The following REPS1 variants were observed in gnomAD, a reference collection of about 807,000 sequenced individuals.
The protein encoded by REPS1 is RALBP1 associated Eps domain containing 1, also known as ralBP1-associated Eps domain-containing protein 1.
In REPS1, 39 loss-of-function variants were observed where a neutral mutation model predicts 100.9. The observed-to-expected ratio is 0.39, with a 90% confidence interval of 0.30 to 0.50. The LOEUF (loss-of-function observed/expected upper bound fraction) is 0.50. REPS1 is among the 20% of genes least tolerant of loss of function. The probability of loss-of-function intolerance (pLI) is 0.86; values close to 1 mark genes in which losing one functional copy is unlikely to be tolerated. For missense variants in REPS1, 821 were observed against 968.5 expected (o/e 0.85, Z 2.02); for synonymous variants, 324 against 340.3 (o/e 0.95, Z 0.53).
chr6:138,941,247 G>A, intron 8 of REPS1, 88 bp downstream of exon 8: 10 of 1,403,714 alleles, frequency 7.1e-6, no homozygotes, highest in East Asian at 2.3e-5. Flanking sequence ...ATTAAGCTAA[G>A]GTTAACCTCT....
In REPS1 at chr6:138,908,735, C is replaced by T. The variant is rs1044418; in HGVS notation, c.2149G>A (p.Val717Ile). The T allele has an allele frequency of 0.15, 243,900 of 1,613,634 alleles. 19,850 individuals carry two copies. The highest frequency in any genetic ancestry group is 0.17 in the African/African-American group (12,965 of 74,982). ...LKSEDELRPE[V>I]DEHTQKTGVL... ...CCCGTCTTTTGTGTATGTTCATCAA[C>T]TTCTGGCCTTAATTCATCTTCTGAT... Residue 717 changes from valine (V) to isoleucine (I), a missense_variant, in exon 18 of 20, where the codon GTT becomes ATT. Coordinates refer to ENST00000450536, the MANE Select transcript of REPS1 (RefSeq NM_001286611.2).
intron 8 of REPS1, among the ~76,000 whole-genome samples, chr6:138,935,259 G>A (rs1352587951): frequency 6.6e-6 from 1 of 152,122 alleles, no homozygotes; most frequent in Admixed American, 6.5e-5. Flanking sequence ...AACAAGATTT[G>A]AAAAGAAACA....
rs958407038 is a variant in REPS1 at position 138,905,120 on chromosome 6, C to T, written c.2335G>A (p.Glu779Lys). ...AGTTGAACTTCCAGGGAAATTCTCT[C>T]CTCAAGAACATCCTGAAAAAGATGC... is the stretch of plus-strand genomic sequence containing the variant. ...LQQQLKDVLE[E>K]RISLEVQLEQ... The change falls in exon 20 of 20, where the codon GAG (glutamate) becomes AAG (lysine). Residue 779 changes from glutamate (E) to lysine (K), a missense_variant. Glu to Lys is a moderately conservative substitution (Grantham distance 56). Coordinates refer to ENST00000450536, the MANE Select transcript of REPS1 (RefSeq NM_001286611.2). 3 of 1,611,772 alleles carry T rather than the reference C, an allele frequency of 1.9e-6. No homozygotes were observed. Among genetic ancestry groups the T allele is most frequent in the Admixed American group, 3.3e-5 (2 of 59,978 alleles).
chr6:138,950,144 G>T (rs1782920050), intron 1 of REPS1, among the ~76,000 whole-genome samples: 1 of 152,088 alleles, frequency 6.6e-6, no homozygotes, highest in Non-Finnish European at 1.5e-5. Flanking sequence ...TTTGGAATGA[G>T]AAACAAATCA....
At chr6:138,969,859 A>ATTGTTTTTT (rs1784235573) in intron 1 of REPS1, among the ~76,000 whole-genome samples, 1 of 94,636 alleles carries the variant, frequency 1.1e-5, no homozygotes, top group African/African-American at 4.3e-5. Context: ...GTGAATTGGG[A>ATTGTTTTTT]TTTTTTTTTT....
chr6:138,972,115 T>G (rs1204670982), intron 1 of REPS1, among the ~76,000 whole-genome samples: 1 of 152,062 alleles, frequency 6.6e-6, no homozygotes, highest in Non-Finnish European at 1.5e-5. Flanking sequence ...ATCAATACAG[T>G]ACAAAACATA....
At position 138,921,137 on chromosome 6, in the gene REPS1, G is replaced by A. The variant is rs765358802; in HGVS notation, c.1339-13C>T. Reference sequence around the variant, plus strand: ...CAATAGCAGTATCCTAGAGACAAATGGGAGGAAATAAAGAATTTGTATTAA... The same window carrying A: ...CAATAGCAGTATCCTAGAGACAAATAGGAGGAAATAAAGAATTTGTATTAA... On this transcript the variant is annotated splice_polypyrimidine_tract_variant and intron_variant, in intron 10 of 19. Coordinates refer to ENST00000450536, the MANE Select transcript of REPS1 (RefSeq NM_001286611.2). The A allele has an allele frequency of 2.6e-6, 4 of 1,521,686 alleles. 1 individual carries two copies. The highest frequency in any genetic ancestry group is 3.6e-6 in the Non-Finnish European group (4 of 1,106,776). 94.3% of individuals were successfully genotyped at this position (1,521,686 alleles called of 1,614,324 possible).
chr6:138,928,700 C>A (rs1341798606), intron 9 of REPS1: 1 of 152,076 alleles, frequency 6.6e-6, no homozygotes, highest in African/African-American at 2.4e-5. Context: ...TTTTTATTTA[C>A]AAACTGATAT....
At chr6:138,973,338 G>C (rs938726589) in intron 1 of REPS1, among the ~76,000 whole-genome samples, 1 of 152,098 alleles carries the variant, frequency 6.6e-6, no homozygotes, top group African/African-American at 2.4e-5. Flanking sequence ...TTCAGATTTA[G>C]GTAAGTAAGC....
intron 1 of REPS1, among the ~76,000 whole-genome samples, chr6:138,969,165 C>T (rs117080536): frequency 0.013 from 1,909 of 151,658 alleles, 15 homozygotes; most frequent in Non-Finnish European, 0.021. Flanking sequence ...TGAAAATATA[C>T]ACTTGGCCCT....
chr6:138,980,846 C>T (rs1276008160), intron 1 of REPS1, among the ~76,000 whole-genome samples: 2 of 152,192 alleles, frequency 1.3e-5, no homozygotes, highest in African/African-American at 2.4e-5. Context: ...GGCCACCACG[C>T]CTGGCCAGTT....
intron 1 of REPS1, among the ~76,000 whole-genome samples, chr6:138,977,512 T>G (rs950961529): frequency 6.6e-6 from 1 of 152,232 alleles, no homozygotes; most frequent in Non-Finnish European, 1.5e-5. Flanking sequence ...ATATTATTTA[T>G]TAATTTTTTG....
chr6:138,920,363 C>A, intron 11 of REPS1, 47 bp from the exon 12 acceptor site: 1 of 964,108 alleles, frequency 1.0e-6, no homozygotes, highest in Admixed American at 1.8e-5. Context: ...GGTATTTGAA[C>A]TGATAAACTC....
intron 1 of REPS1, among the ~76,000 whole-genome samples, chr6:138,966,281 C>A (rs1784018927): frequency 6.6e-6 from 1 of 152,076 alleles, no homozygotes; most frequent in South Asian, 2.1e-4. Flanking sequence ...TTTGTTACCA[C>A]TGGTCAAGCA....
chr6:138,918,126 T>G lies in REPS1; in HGVS notation c.1529-499A>C, dbSNP rs979947071. 2.2e-4 allele frequency among the ~76,000 whole-genome samples: 34 copies of G among 152,104 alleles called. No homozygotes were observed. In the East Asian group the frequency reaches 4.3e-3, roughly 19 times the overall value. On this transcript the variant is annotated intron_variant, in intron 12 of 19. Coordinates refer to ENST00000450536, the MANE Select transcript of REPS1 (RefSeq NM_001286611.2). ...GTGTGTGTGCGTGTGTATATTTTTT[T>G]GGGGGTTAGAAATGAGGTCTCGCTA...
At chr6:138,920,418 G>A (rs1207548669) in intron 11 of REPS1, 102 bp from the exon 12 acceptor site, 6 of 510,252 alleles carry the variant, frequency 1.2e-5, no homozygotes, top group Admixed American at 3.1e-5. Flanking sequence ...CCAAAGAAGT[G>A]GCAGGTAAAT....
chr6:138,970,698 C>T (rs1004896657), intron 1 of REPS1, among the ~76,000 whole-genome samples: 7 of 152,074 alleles, frequency 4.6e-5, no homozygotes, highest in East Asian at 1.9e-4. Flanking sequence ...GTGGGAGGAT[C>T]GCTTAAGCTC....
Position 138,987,865 on chromosome 6 carries a change from G to A in REPS1, c.-183C>T. 3.5e-6 allele frequency: 2 copies of A among 579,490 alleles called. No homozygotes were observed. Among genetic ancestry groups the A allele is most frequent in the Admixed American group, 4.5e-5 (1 of 22,368 alleles). 35.9% of individuals were successfully genotyped at this position (579,490 alleles called of 1,614,324 possible). A position where few individuals can be genotyped will look rare whatever the true frequency, so the allele number is the denominator to read the frequency against. On this transcript the variant is annotated 5_prime_UTR_variant, in exon 1 of 20. Coordinates refer to ENST00000450536, the MANE Select transcript of REPS1 (RefSeq NM_001286611.2). ...AGGGCCCGGAGGTCGCGAGGAGGGG[G>A]CCCGGCTGCGCTCGCCGCGCCGCTG... is the stretch of plus-strand genomic sequence containing the variant.
chr6:138,912,880 T>C lies in REPS1; in HGVS notation c.1856A>G (p.Gln619Arg). The C allele has an allele frequency of 6.2e-7, 1 of 1,614,174 alleles. No homozygotes were observed. Among genetic ancestry groups the C allele is most frequent in the Non-Finnish European group, 8.5e-7 (1 of 1,180,006 alleles). ...AAAATTTGGTTGCTCTGGTATCTGC[T>C]GAGGTGAGGTACTAGTGTGAGTTAT... ...GLITHTSTSP[Q>R]QIPEQPNFAD... Residue 619 changes from glutamine (Q) to arginine (R), a missense_variant, in exon 16 of 20, where the codon CAG becomes CGG. Physicochemically the swap from Gln to Arg is conservative, Grantham distance 43. This residue lies in a region of REPS1 where 757 missense variants were observed against 866.4 expected (regional missense o/e 0.87). Transcript: ENST00000450536.
Sources: gnomAD v4.1 joint callset for allele counts (sites outside exome capture counted in the v4.1 genomes callset) on GRCh38, gnomAD v4.1.1 for gene constraint, gnomAD v4.1.1 regional missense constraint, MANE v1.5 for transcripts, NCBI Gene and HGNC (gene_info 2026-07-23, HGNC 2026-07-21) for gene names.